Variants in PER1 observed in about 807,000 individuals in gnomAD.
The protein encoded by PER1 is period circadian protein homolog 1.
In PER1, 87 loss-of-function variants were observed where a neutral mutation model predicts 125.9. The ratio of observed to expected loss-of-function variants is 0.69; its 90% confidence interval spans 0.58 to 0.83. The LOEUF (loss-of-function observed/expected upper bound fraction) is 0.83. Ranked by LOEUF, PER1 falls within the 40% of genes least tolerant of loss-of-function variation. The pLI, the probability that PER1 is intolerant of heterozygous loss-of-function variation, is 0.00. For missense variants in PER1, 1,775 were observed against 1,722.8 expected, an observed-to-expected ratio of 1.03 and a Z score of -0.54; for synonymous variants, 801 against 714.7, an observed-to-expected ratio of 1.12 and a Z score of -1.93.
In PER1 at chr17:8,140,999, G is replaced by A. The variant is rs141664298; in HGVS notation, c.*69C>T. 1 of 1,522,222 alleles carries A rather than the reference G, an allele frequency of 6.6e-7. No individual in the cohort carries two copies. Among genetic ancestry groups the A allele is most frequent in the East Asian group, 2.3e-5 (1 of 44,104 alleles). 94.3% of individuals were successfully genotyped at this position (1,522,222 alleles called of 1,614,324 possible). On this transcript the variant is annotated 3_prime_UTR_variant, in exon 23 of 23. Coordinates refer to ENST00000317276, the MANE Select transcript of PER1 (RefSeq NM_002616.3). Reference sequence around the variant, plus strand: ...CACTGGTTGGTCTAGCCACATCTGAGTTCTGAGAATTGGGACATAGGAGAA... The same window carrying A: ...CACTGGTTGGTCTAGCCACATCTGAATTCTGAGAATTGGGACATAGGAGAA...
intron 7 of PER1, 62 bp downstream of exon 7, chr17:8,149,197 A>G (rs2151861503): frequency 7.4e-7 from 1 of 1,357,074 alleles, no homozygotes; most frequent in East Asian, 2.3e-5. Flanking sequence ...TCAAAAAGCA[A>G]AAACAAAAAC....
At position 8,149,675 on chromosome 17, in the gene PER1, G is replaced by A. The variant is rs112646699; in HGVS notation, c.652-12C>T. The A allele has an allele frequency of 2.4e-5, 39 of 1,609,670 alleles. 1 individual carries two copies. The African/African-American group carries it at 4.7e-4, about 19-fold the overall frequency. On this transcript the variant is annotated splice_polypyrimidine_tract_variant and intron_variant, in intron 5 of 22. Transcript: ENST00000317276. The stretch of plus-strand genomic sequence containing the variant: ...ACTGAGAAGGTATCCTGGCAGGAGG[G>A]GGAGAGCAAGAGCAGATTCAAGAGC...
In PER1 at chr17:8,150,456, A is replaced by G. The variant is rs1484224974; in HGVS notation, c.251T>C (p.Leu84Pro). ...SSGNGKDSAL[L>P]ETTESSKSTN... ...CCTCTTGCTGCTCTCAGTGGTCTCC[A>G]GCAGGGCTGAGTCCTTGCCGTTGCC... The change falls in exon 2 of 23, where the codon CTG (leucine) becomes CCG (proline). Residue 84 changes from leucine to proline, a missense_variant. Physicochemically the swap from Leu to Pro is moderately conservative, Grantham distance 98 (BLOSUM62 -3). Coordinates refer to ENST00000317276, the MANE Select transcript of PER1 (RefSeq NM_002616.3). 6.2e-7 allele frequency: 1 copy of G among 1,613,186 alleles called. No homozygotes were observed. The highest frequency in any genetic ancestry group is 1.7e-5 in the Admixed American group (1 of 59,864).
Position 8,142,762 on chromosome 17 carries a change from T to C in PER1, c.3146A>G (p.Glu1049Gly). ...GGAGCCTGTGCCGGAGCGCGAGTCC[T>C]CTTGCAGCAGAAGTTCGAGCAGGTC... ...SSDLLELLLQ[E>G]DSRSGTGSAA... The change falls in exon 20 of 23, where the codon GAG becomes GGG. Residue 1049 changes from glutamate to glycine, a missense_variant. Transcript: ENST00000317276. 2 of 1,613,772 alleles carry C rather than the reference T, an allele frequency of 1.2e-6. No homozygotes were observed. Among genetic ancestry groups the C allele is most frequent in the African/African-American group, 1.3e-5 (1 of 75,016 alleles).
Position 8,147,835 on chromosome 17 carries a change from A to G in PER1, c.1235-8T>C, listed in dbSNP as rs2151861099. On this transcript the variant is annotated splice_region_variant and splice_polypyrimidine_tract_variant and intron_variant, in intron 10 of 22. Coordinates refer to ENST00000317276, the MANE Select transcript of PER1 (RefSeq NM_002616.3). ...GGCCCGCCAACTGCAGAACTGATGGAAGTGGGAAAGGAGGAGCGGTCAAAG... is the reference window on the plus strand; with the variant it reads ...GGCCCGCCAACTGCAGAACTGATGGGAGTGGGAAAGGAGGAGCGGTCAAAG... The G allele has an allele frequency of 1.9e-6, 3 of 1,613,620 alleles. No homozygotes were observed. Among genetic ancestry groups the G allele is most frequent in the East Asian group, 4.5e-5 (2 of 44,870 alleles).
rs149636474 is a variant in PER1 at position 8,150,029 on chromosome 17, G to A, written c.471C>T (p.Gly157=). 13 of 1,614,154 alleles carry A rather than the reference G, an allele frequency of 8.1e-6. No individual in the cohort carries two copies. Among genetic ancestry groups the A allele is most frequent in the Non-Finnish European group, 1.1e-5 (13 of 1,180,034 alleles). ...LRLPPERRGK[G]RSGTLATLQY... is the part of the protein sequence containing the mutation. ...GCAGCGTGGCCAGGGTCCCAGAGCG[G>A]CCCTTGCCCCGGCGCTCTGGCGGCA... The change falls in exon 4 of 23, where the codon GGC becomes GGT. Residue 157 remains glycine (G), a synonymous_variant. Coordinates refer to ENST00000317276, the MANE Select transcript of PER1 (RefSeq NM_002616.3).
chr17:8,144,300 G>GA, intron 18 of PER1: 1 of 409,206 alleles, frequency 2.4e-6, no homozygotes, highest in Admixed American at 4.0e-5. Flanking sequence ...AGTGGGGCTG[G>GA]AAAGCCCAGT....
At chr17:8,149,381 G>C (rs761253768) in intron 6 of PER1, 71 bp from the exon 7 acceptor site, 87 of 1,606,550 alleles carry the variant, frequency 5.4e-5, no homozygotes, top group Non-Finnish European at 7.3e-5. Context: ...TCCACTAAGG[G>C]AAAGTCTGGG....
chr17:8,144,613 T>G, intron 18 of PER1, 138 bp downstream of exon 18: 1 of 1,197,006 alleles, frequency 8.4e-7, no homozygotes, highest in South Asian at 1.3e-5. Context: ...GAGGGGCCTG[T>G]CCCTAGGCAG....
At chr17:8,143,036 A>G (rs1425513997) in intron 19 of PER1, among the ~76,000 whole-genome samples, 1 of 152,190 alleles carries the variant, frequency 6.6e-6, no homozygotes, top group East Asian at 1.9e-4. Flanking sequence ...CAAGTGACAG[A>G]TGCTCTCTCA....
At position 8,147,234 on chromosome 17, in the gene PER1, G is replaced by T; in HGVS notation, c.1629+16C>A. On this transcript the variant is annotated intron_variant, in intron 13 of 22. Transcript: ENST00000317276. The stretch of plus-strand genomic sequence containing the variant: ...GAAAGGGCGATTAGAGGGTGAGGTA[G>T]GAGCAGGTCACTCACTGGCGCAGGA... 1 of 1,597,242 alleles carries T rather than the reference G, an allele frequency of 6.3e-7. No homozygotes were observed. The highest frequency in any genetic ancestry group is 2.3e-5 in the East Asian group (1 of 44,012).
At chr17:8,147,962 C>T in intron 10 of PER1, 35 bp downstream of exon 10, 1 of 1,595,558 alleles carries the variant, frequency 6.3e-7, no homozygotes, top group Non-Finnish European at 8.6e-7. Flanking sequence ...AAGCCCAGGA[C>T]AGTGGGAAGG....
Position 8,143,774 on chromosome 17 carries a change from T to A in PER1, c.2564A>T (p.Tyr855Phe). The change falls in exon 19 of 23, where the codon TAT becomes TTT. Residue 855 changes from tyrosine to phenylalanine, a missense_variant. Tyr to Phe is a conservative substitution (Grantham distance 22). Transcript: ENST00000317276. ...TGGCACGGGTGAGGGGTGTGAGACA[T>A]AGCAGGGCGCTTCAGCCCGAGGGTT... ...HQNPRAEAPC[Y>F]VSHPSPVPPS... 6.2e-7 allele frequency: 1 copy of A among 1,603,396 alleles called. No individual in the cohort carries two copies. Among genetic ancestry groups the A allele is most frequent in the East Asian group, 2.2e-5 (1 of 44,562 alleles).
chr17:8,143,572 C>G lies in PER1; in HGVS notation c.2766G>C (p.Val922=). 6.8e-7 allele frequency: 1 copy of G among 1,467,008 alleles called. No individual in the cohort carries two copies. The highest frequency in any genetic ancestry group is 1.4e-5 in the South Asian group (1 of 71,204). 90.9% of individuals were successfully genotyped at this position (1,467,008 alleles called of 1,614,324 possible). A position where few individuals can be genotyped will look rare whatever the true frequency, so the allele number is the denominator to read the frequency against. The change falls in exon 19 of 23, where the codon GTG becomes GTC. Residue 922 remains valine (V), a synonymous_variant. Transcript: ENST00000317276. ...APLVTPMVAL[V]LPNYLFPTPS... ...GGGTTGGGAACAGATAGTTAGGGAG[C>G]ACCAAGGCCACCATTGGGGTCACCA...
At chr17:8,141,433 C>A in intron 22 of PER1, 93 bp from the exon 23 acceptor site, 1 of 1,396,440 alleles carries the variant, frequency 7.2e-7, no homozygotes, top group Non-Finnish European at 9.6e-7. Flanking sequence ...CTGTGCTTCC[C>A]GAAATGTACT....
At position 8,148,705 on chromosome 17, in the gene PER1, A is replaced by G; in HGVS notation, c.987T>C (p.Asp329=). Reference sequence around the variant, plus strand: ...GGCAGCACGGCTGTGCAGGGGCCCCATCTGAGACCCGGATCTTGGTCACAT... The same window carrying G: ...GGCAGCACGGCTGTGCAGGGGCCCCGTCTGAGACCCGGATCTTGGTCACAT... ...TPYVTKIRVS[D]GAPAQPCCLL... Residue 329 remains aspartate, a synonymous_variant, in exon 8 of 23, where the codon GAT becomes GAC. Coordinates refer to ENST00000317276, the MANE Select transcript of PER1 (RefSeq NM_002616.3). 6.2e-7 allele frequency: 1 copy of G among 1,613,850 alleles called. No individual in the cohort carries two copies. Among genetic ancestry groups the G allele is most frequent in the South Asian group, 1.1e-5 (1 of 91,034 alleles).
chr17:8,145,080 G>C, intron 17 of PER1, 87 bp from the exon 18 acceptor site: 1 of 1,318,236 alleles, frequency 7.6e-7, no homozygotes, highest in South Asian at 2.4e-5. Flanking sequence ...TGATAGCCTA[G>C]CCAACCCCTG....
chr17:8,147,975 G>A (rs372917699), intron 10 of PER1, 22 bp downstream of exon 10: 21 of 1,600,576 alleles, frequency 1.3e-5, no homozygotes, highest in East Asian at 6.7e-5. Context: ...TGGGAAGGGC[G>A]AGCAGGGCGA....
chr17:8,145,050 C>G, intron 17 of PER1, 57 bp from the exon 18 acceptor site: 2 of 1,390,654 alleles, frequency 1.4e-6, no homozygotes, highest in Non-Finnish European at 1.9e-6. Context: ...TCAACACATC[C>G]ATACCACACC....
Sources: gnomAD v4.1 joint callset for allele counts (sites outside exome capture counted in the v4.1 genomes callset) on GRCh38, gnomAD v4.1.1 for gene constraint, MANE v1.5 for transcripts, NCBI Gene and HGNC (gene_info 2026-07-23, HGNC 2026-07-21) for gene names.